Variants in SLC71A1 observed in about 807,000 individuals in gnomAD.
SLC71A1 encodes the protein hippocampus abundant gene transcript 1.
At chr1:100,061,716 A>G in the SLC71A1 span, 10 of 684,942 alleles carry the variant, frequency 1.5e-5, no homozygotes, top group Admixed American at 2.7e-5. Flanking sequence ...TCCATGAACT[A>G]TCCTAGTAAG....
At chr1:100,048,331 C>T in the SLC71A1 span, among the ~76,000 whole-genome samples, 7 of 152,166 alleles carry the variant, frequency 4.6e-5, no homozygotes, top group African/African-American at 4.8e-5. Context: ...AGGCACACGC[C>T]ACCATGCCCA....
At chr1:100,045,388 C>A in the SLC71A1 span, among the ~76,000 whole-genome samples, 1 of 152,034 alleles carries the variant, frequency 6.6e-6, no homozygotes, top group African/African-American at 2.4e-5. Flanking sequence ...GATCTCGGAG[C>A]TTTTTGGATG....
chr1:100,042,211 A>G, the SLC71A1 span, among the ~76,000 whole-genome samples: 3 of 152,226 alleles, frequency 2.0e-5, no homozygotes, highest in Non-Finnish European at 4.4e-5. Flanking sequence ...CATCTCTGAC[A>G]GTGGAAAATG....
At chr1:100,053,026 C>T in the SLC71A1 span, among the ~76,000 whole-genome samples, 5 of 152,074 alleles carry the variant, frequency 3.3e-5, no homozygotes, top group Non-Finnish European at 7.4e-5. Flanking sequence ...TCAGGTGATC[C>T]GCCTGCCTCG....
At chr1:100,081,429 T>C in the SLC71A1 span, among the ~76,000 whole-genome samples, 1 of 152,232 alleles carries the variant, frequency 6.6e-6, no homozygotes, top group African/African-American at 2.4e-5. Flanking sequence ...TGGAATGCAG[T>C]GGCACAATCT....
chr1:100,068,642 A>C, the SLC71A1 span: 442 of 982,548 alleles, frequency 4.5e-4, no homozygotes, highest in African/African-American at 6.2e-3. Flanking sequence ...TGCTTTAATA[A>C]AAATATTTAA....
the SLC71A1 span, among the ~76,000 whole-genome samples, chr1:100,047,532 C>T: frequency 1.3e-5 from 2 of 152,342 alleles, no homozygotes; most frequent in East Asian, 3.9e-4. Context: ...AAGCGATTCT[C>T]CTGCCTCAGC....
chr1:100,042,162 T>G, the SLC71A1 span, among the ~76,000 whole-genome samples: 1 of 152,206 alleles, frequency 6.6e-6, no homozygotes, highest in Non-Finnish European at 1.5e-5. Flanking sequence ...CATCTTAAAA[T>G]ATGATCTTTA....
chr1:100,059,144 G>GTTTTTTTTTTTTTGTTT, the SLC71A1 span, among the ~76,000 whole-genome samples: 2 of 75,428 alleles, frequency 2.7e-5, no homozygotes, highest in African/African-American at 1.2e-4. Flanking sequence ...TCTTTTTCGT[G>GTTTTTTTTTTTTTGTTT]TTTTTTTTTT....
At chr1:100,048,453 T>C in the SLC71A1 span, among the ~76,000 whole-genome samples, 1 of 152,214 alleles carries the variant, frequency 6.6e-6, no homozygotes, top group Non-Finnish European at 1.5e-5. Context: ...GTGCTGAGAT[T>C]ACAGGCATGA....
the SLC71A1 span, chr1:100,068,254 A>C: frequency 2.3e-6 from 3 of 1,323,768 alleles, no homozygotes; most frequent in Non-Finnish European, 3.2e-6. Context: ...GTGCAGCATT[A>C]ATATTTTGTT....
chr1:100,077,059 A>C, the SLC71A1 span: 1 of 614,946 alleles, frequency 1.6e-6, no homozygotes, highest in Non-Finnish European at 2.9e-6. Flanking sequence ...TATTGCTGAA[A>C]ATCAGCCAAA....
At chr1:100,040,315 G>A in the SLC71A1 span, among the ~76,000 whole-genome samples, 3 of 151,888 alleles carry the variant, frequency 2.0e-5, no homozygotes, top group Non-Finnish European at 4.4e-5. Flanking sequence ...AATATCAGGG[G>A]AATATTTTGC....
chr1:100,046,199 T>C, the SLC71A1 span, among the ~76,000 whole-genome samples: 1 of 143,228 alleles, frequency 7.0e-6, no homozygotes, highest in Admixed American at 7.1e-5. Flanking sequence ...GTAATGTGAT[T>C]CCTCCAAGCC....
At chr1:100,074,326 G>A in the SLC71A1 span, among the ~76,000 whole-genome samples, 1 of 152,288 alleles carries the variant, frequency 6.6e-6, no homozygotes, top group South Asian at 2.1e-4. Context: ...TATAACCTTA[G>A]CACTTTGGGA....
chr1:100,066,287 C>T, the SLC71A1 span, among the ~76,000 whole-genome samples: 1 of 152,064 alleles, frequency 6.6e-6, no homozygotes, highest in Non-Finnish European at 1.5e-5. Context: ...TTCAGCTAGC[C>T]CTTCAGTATG....
the SLC71A1 span, among the ~76,000 whole-genome samples, chr1:100,062,326 G>A: frequency 1.1e-4 from 17 of 152,272 alleles, no homozygotes; most frequent in Admixed American, 6.5e-4. Context: ...TCAGGGATCA[G>A]CAAACCTTTT....
the SLC71A1 span, among the ~76,000 whole-genome samples, chr1:100,048,611 T>TA: frequency 1.3e-5 from 2 of 152,236 alleles, no homozygotes; most frequent in African/African-American, 4.8e-5. Context: ...GATATTTTCT[T>TA]ACTGTTCCTT....
At chr1:100,074,931 A>G in the SLC71A1 span, among the ~76,000 whole-genome samples, 1 of 152,228 alleles carries the variant, frequency 6.6e-6, no homozygotes, top group Non-Finnish European at 1.5e-5. Flanking sequence ...AATCTTATCT[A>G]TAAAAAGGAA....
Sources: gnomAD v4.1 joint callset for allele counts (sites outside exome capture counted in the v4.1 genomes callset) on GRCh38, gnomAD v4.1.1 for gene constraint, MANE v1.5 for transcripts, NCBI Gene and HGNC (gene_info 2026-07-23, HGNC 2026-07-21) for gene names.